The following CHD9 variants were observed in gnomAD, a reference collection of about 807,000 sequenced individuals.
CHD9 encodes ATP-dependent chromatin remodeler CHD9.
In CHD9, 77 loss-of-function variants were observed where a neutral mutation model predicts 316.1. The ratio of observed to expected loss-of-function variants is 0.24; its 90% CI spans 0.20 to 0.29. The LOEUF is 0.29. CHD9 is among the 10% of genes least tolerant of loss of function. The probability of loss-of-function intolerance (pLI) is 1.00; values close to 1 mark genes in which losing one functional copy is unlikely to be tolerated. For missense variants in CHD9, 2,763 were observed against 3,438.1 expected (o/e 0.80, Z 4.91); for synonymous variants, 1,129 against 1,158.3 (o/e 0.97, Z 0.51).
At chr16:53,164,197 A>T (rs1346693119) in intron 2 of CHD9, among the ~76,000 whole-genome samples, 1 of 152,236 alleles carries the variant, frequency 6.6e-6, no homozygotes, top group African/African-American at 2.4e-5. Context: ...GGCAAAGACC[A>T]TGCCTCTCAT....
intron 1 of CHD9, among the ~76,000 whole-genome samples, chr16:53,088,275 C>CTTTTTTTTTT (rs35052198): frequency 7.9e-6 from 1 of 127,090 alleles, no homozygotes; most frequent in Non-Finnish European, 1.6e-5. Flanking sequence ...ATGACATGCA[C>CTTTTTTTTTT]TTTGTTTTTT....
intron 1 of CHD9, among the ~76,000 whole-genome samples, chr16:53,066,187 A>G (rs2152505790): frequency 6.6e-6 from 1 of 152,238 alleles, no homozygotes. Flanking sequence ...TCCTGAGCCT[A>G]GTTTTCTCTG....
At chr16:53,269,389 A>G (rs1472529908) in intron 22 of CHD9, among the ~76,000 whole-genome samples, 2 of 152,196 alleles carry the variant, frequency 1.3e-5, no homozygotes, top group African/African-American at 4.8e-5. Flanking sequence ...GATAAGAAGA[A>G]ACAAGATAGA....
chr16:53,262,281 A>G (rs924458690), intron 19 of CHD9, among the ~76,000 whole-genome samples: 5 of 152,176 alleles, frequency 3.3e-5, no homozygotes, highest in Admixed American at 1.3e-4. Flanking sequence ...TAAATTGTAA[A>G]TAATGGTTAT....
intron 1 of CHD9, among the ~76,000 whole-genome samples, chr16:53,136,587 A>G (rs771944834): frequency 4.6e-5 from 7 of 151,546 alleles, no homozygotes; most frequent in Non-Finnish European, 8.8e-5. Flanking sequence ...GGAATTTAAG[A>G]TTACAGACTT....
intron 8 of CHD9, among the ~76,000 whole-genome samples, chr16:53,230,200 G>T (rs2152924271): frequency 6.6e-6 from 1 of 152,310 alleles, no homozygotes; most frequent in East Asian, 1.9e-4. Context: ...TCCAGTGAAT[G>T]ATATAAGATG....
At chr16:53,218,265 G>T (rs2046947476) in intron 3 of CHD9, among the ~76,000 whole-genome samples, 1 of 152,070 alleles carries the variant, frequency 6.6e-6, no homozygotes, top group Non-Finnish European at 1.5e-5. Flanking sequence ...GTAGAACAAT[G>T]TTGGAAGAAT....
At chr16:53,200,387 A>AGC (rs2045348801) in intron 2 of CHD9, among the ~76,000 whole-genome samples, 4 of 151,072 alleles carry the variant, frequency 2.6e-5, no homozygotes, top group Admixed American at 2.6e-4. Flanking sequence ...AAAAAAAAAA[A>AGC]AAACCACAAA....
intron 1 of CHD9, among the ~76,000 whole-genome samples, chr16:53,080,975 T>G (rs1276270756): frequency 1.3e-5 from 2 of 152,242 alleles, no homozygotes; most frequent in Non-Finnish European, 2.9e-5. Flanking sequence ...CCTTGGCCAG[T>G]GCTGGCTCAC....
At position 53,304,496 on chromosome 16, in the gene CHD9, A is replaced by G. The variant is rs1278989036; in HGVS notation, c.6490A>G (p.Ser2164Gly). ...SSCSHSRSGS[S>G]SSSSSSCSSA... is the part of the protein sequence containing the mutation. The stretch of plus-strand genomic sequence containing the variant: ...TTGCTCCCACTCTCGATCAGGCTCT[A>G]GTTCTTCTTCATCTTCATCTTGTTC... The change falls in exon 31 of 39, where the codon AGT (serine) becomes GGT (glycine). Residue 2164 changes from serine to glycine, a missense_variant. Coordinates refer to ENST00000447540, the MANE Select transcript of CHD9 (RefSeq NM_001308319.2). 2.6e-6 allele frequency: 4 copies of G among 1,551,890 alleles called. No individual in the cohort carries two copies. The highest frequency in any genetic ancestry group is 3.5e-6 in the Non-Finnish European group (4 of 1,146,880).
chr16:53,150,204 CTTATAT>C (rs905458371), intron 1 of CHD9, among the ~76,000 whole-genome samples: 1 of 144,326 alleles, frequency 6.9e-6, no homozygotes, highest in East Asian at 2.0e-4. Context: ...CTGCCAATTT[CTTATAT>C]TTAGATTTTT....
At chr16:53,238,873 C>T (rs1006329559) in intron 12 of CHD9, among the ~76,000 whole-genome samples, 1 of 152,022 alleles carries the variant, frequency 6.6e-6, no homozygotes, top group Non-Finnish European at 1.5e-5. Context: ...AATAATTTTA[C>T]TAATTGTTTT....
chr16:53,252,248 C>T (rs1299777552), intron 17 of CHD9, among the ~76,000 whole-genome samples: 1 of 152,070 alleles, frequency 6.6e-6, no homozygotes, highest in East Asian at 1.9e-4. Context: ...AATAAACCCA[C>T]GTACTTACAG....
intron 3 of CHD9, among the ~76,000 whole-genome samples, chr16:53,218,430 T>C (rs946735690): frequency 2.0e-5 from 3 of 152,166 alleles, no homozygotes. Context: ...GTGTTTAAGA[T>C]TTATTTGGTA....
rs1034564153 is a variant in CHD9 at position 53,109,947 on chromosome 16, G to A, written c.-164-45979G>A. On this transcript the variant is annotated intron_variant, in intron 1 of 38. Transcript: ENST00000447540. ...GATCCGCCCGCCTCGGCCTCCCAAA[G>A]TGCTGGGATTACAGGCGTGAGCCAC... Among the ~76,000 whole-genome samples, 3 of 152,022 alleles carry A rather than the reference G, an allele frequency of 2.0e-5. No homozygotes were observed. The East Asian group carries it at 5.8e-4, about 29-fold the overall frequency.
chr16:53,122,488 G>A (rs942717127), intron 1 of CHD9, among the ~76,000 whole-genome samples: 2 of 151,342 alleles, frequency 1.3e-5, no homozygotes, highest in Non-Finnish European at 2.9e-5. Context: ...ATTCATATAT[G>A]TGGATTTAAT....
rs957718554 is a variant in CHD9 at position 53,134,111 on chromosome 16, G to T, written c.-164-21815G>T. Among the ~76,000 whole-genome samples, 3 of 152,104 alleles carry T rather than the reference G, an allele frequency of 2.0e-5. No individual in the cohort carries two copies. The South Asian group carries it at 6.2e-4, about 32-fold the overall frequency. ...TAGAGAGTCTATAAAGAAAAACTAT[G>T]AATTAATCTACTGGGGAAATTTCAT... On this transcript the variant is annotated intron_variant, in intron 1 of 38. Transcript: ENST00000447540.
rs201410095 is a variant in CHD9, at chr16:53,324,922, A to C, written c.*27A>C. ...TCCCAGACTCTGCACTTAAAATATG[A>C]ACTGATTTTGGATTTTTTCTTTAAT... On this transcript the variant is annotated 3_prime_UTR_variant, in exon 39 of 39. Coordinates refer to ENST00000447540, the MANE Select transcript of CHD9 (RefSeq NM_001308319.2). The C allele has an allele frequency of 1.6e-4, 240 of 1,523,782 alleles. 1 individual carries two copies. In the East Asian group the frequency reaches 5.4e-3, roughly 34 times the overall value. The allele number at this position is 1,523,782 out of a possible 1,614,324, so 94.4% of individuals were successfully genotyped here. A position where few individuals can be genotyped will look rare whatever the true frequency, so the allele number is the denominator to read the frequency against.
In CHD9 at chr16:53,297,085, T is replaced by C. The variant is rs544488509; in HGVS notation, c.5640T>C (p.Asp1880=). 168 of 1,613,916 alleles carry C rather than the reference T, an allele frequency of 1.0e-4. 2 individuals are homozygous for C. In the South Asian group the frequency reaches 1.8e-3, roughly 17 times the overall value. Residue 1880 remains aspartate (D), a synonymous_variant, in exon 30 of 39, where the codon GAT becomes GAC. Coordinates refer to ENST00000447540, the MANE Select transcript of CHD9 (RefSeq NM_001308319.2). ...TGGCTAGGCTACATAAGAAAACTGA[T>C]GATAGTTTGGAAAAATATTTGTACG... ...RAMARLHKKT[D]DSLEKYLYAF...
Sources: gnomAD v4.1 joint callset for allele counts (sites outside exome capture counted in the v4.1 genomes callset) on GRCh38, gnomAD v4.1.1 for gene constraint, MANE v1.5 for transcripts, NCBI Gene and HGNC (gene_info 2026-07-23, HGNC 2026-07-21) for gene names.